Variants in FHOD3 observed in about 807,000 individuals in gnomAD.
The protein encoded by FHOD3 is formin homology 2 domain containing 3, also known as FH1/FH2 domain-containing protein 3.
Under a neutral mutation model 173.0 loss-of-function variants are expected in FHOD3, and 90 were observed. That is an observed-to-expected ratio of 0.52 (90% confidence interval 0.44 to 0.62). The LOEUF is 0.62. Ranked by LOEUF, FHOD3 falls within the 20% of genes least tolerant of loss-of-function variation. The pLI is 0.00. For synonymous variants in FHOD3, 828 were observed against 823.0 expected (o/e 1.01, Z -0.10); for missense variants, 1,945 against 2,034.7 (o/e 0.96, Z 0.85).
chr18:36,625,161 G>C (rs879781916), intron 9 of FHOD3, among the ~76,000 whole-genome samples: 1 of 152,156 alleles, frequency 6.6e-6, no homozygotes, highest in Admixed American at 6.5e-5. Context: ...AAAGAGACAC[G>C]GGTGGGCAAG....
At chr18:36,454,214 GCACA>G (rs137890720) in intron 3 of FHOD3, among the ~76,000 whole-genome samples, 2 of 150,542 alleles carry the variant, frequency 1.3e-5, no homozygotes, top group African/African-American at 2.4e-5. Flanking sequence ...TGGAGAGCTG[GCACA>G]CACACACACA....
intron 14 of FHOD3, among the ~76,000 whole-genome samples, chr18:36,671,269 T>G (rs1256067521): frequency 1.3e-5 from 2 of 152,254 alleles, no homozygotes; most frequent in Admixed American, 1.3e-4. Flanking sequence ...AGGCTCTGCC[T>G]GGGTTTTCCC....
intron 1 of FHOD3, among the ~76,000 whole-genome samples, chr18:36,345,093 A>G (rs963803695): frequency 7.2e-5 from 11 of 152,248 alleles, no homozygotes; most frequent in African/African-American, 2.4e-4. Context: ...GTGAGGATAG[A>G]GATTTAAGCA....
At chr18:36,619,025 C>T (rs571455047) in intron 9 of FHOD3, among the ~76,000 whole-genome samples, 2 of 152,314 alleles carry the variant, frequency 1.3e-5, no homozygotes, top group Admixed American at 1.3e-4. Context: ...GGGGGCTCAT[C>T]GCTATCTTGA....
At chr18:36,551,959 A>G (rs546689167) in intron 5 of FHOD3, among the ~76,000 whole-genome samples, 95 of 152,318 alleles carry the variant, frequency 6.2e-4, no homozygotes, top group African/African-American at 2.1e-3. Context: ...CTTTTTGCTT[A>G]GGATTGACTT....
intron 5 of FHOD3, among the ~76,000 whole-genome samples, chr18:36,520,193 A>G (rs1021027546): frequency 2.0e-5 from 3 of 152,154 alleles, no homozygotes; most frequent in African/African-American, 7.2e-5. Flanking sequence ...TCCTGGTCTC[A>G]AGAGGTTCTC....
intron 1 of FHOD3, among the ~76,000 whole-genome samples, chr18:36,338,724 C>T (rs1418838601): frequency 3.9e-5 from 6 of 152,162 alleles, no homozygotes; most frequent in African/African-American, 7.2e-5. Context: ...CCTAGAAGTC[C>T]GCAGTCACAG....
chr18:36,766,842 T>G (rs780761472), intron 27 of FHOD3, among the ~76,000 whole-genome samples: 1 of 152,242 alleles, frequency 6.6e-6, no homozygotes, highest in Non-Finnish European at 1.5e-5. Context: ...CCCAGTGCTC[T>G]GCAAATGTAT....
At chr18:36,454,428 CAA>C (rs1292815859) in intron 3 of FHOD3, among the ~76,000 whole-genome samples, 1 of 152,160 alleles carries the variant, frequency 6.6e-6, no homozygotes, top group African/African-American at 2.4e-5. Context: ...CTTACCCTCT[CAA>C]TATAGTTACA....
chr18:36,343,349 A>G (rs1167871799), intron 1 of FHOD3, among the ~76,000 whole-genome samples: 3 of 152,250 alleles, frequency 2.0e-5, no homozygotes, highest in Non-Finnish European at 4.4e-5. Context: ...ATACCAATAA[A>G]TGCTACAGCA....
intron 1 of FHOD3, among the ~76,000 whole-genome samples, chr18:36,321,798 G>A (rs950269365): frequency 1.3e-5 from 2 of 152,188 alleles, no homozygotes; most frequent in Admixed American, 1.3e-4. Flanking sequence ...TGCAGGGGGG[G>A]CACTTCCCAT....
Position 36,594,775 on chromosome 18 carries a change from C to A in FHOD3, c.607-12C>A. ...GTTGGCAGTGATGTGATGGTTTTAT[C>A]TCTTCTGCCAGTTCCGCCTGGTGGT... On this transcript the variant is annotated splice_polypyrimidine_tract_variant and intron_variant, in intron 6 of 28. Transcript: ENST00000590592. 6.2e-7 allele frequency: 1 copy of A among 1,603,964 alleles called. No individual in the cohort carries two copies. The highest frequency in any genetic ancestry group is 8.5e-7 in the Non-Finnish European group (1 of 1,172,110).
intron 24 of FHOD3, among the ~76,000 whole-genome samples, chr18:36,749,643 G>A (rs2042315377): frequency 1.3e-5 from 2 of 152,208 alleles, no homozygotes; most frequent in South Asian, 4.1e-4. Flanking sequence ...GAACATTCGT[G>A]TGCATGTGTC....
chr18:36,599,529 G>T (rs2031037984), intron 7 of FHOD3, among the ~76,000 whole-genome samples: 1 of 152,166 alleles, frequency 6.6e-6, no homozygotes, highest in Non-Finnish European at 1.5e-5. Context: ...CATCCACATT[G>T]AGTGTGTTTA....
chr18:36,775,849 C>G (rs1361272913), intron 28 of FHOD3, among the ~76,000 whole-genome samples: 3 of 152,212 alleles, frequency 2.0e-5, no homozygotes, highest in Non-Finnish European at 4.4e-5. Context: ...CTGGTGCCTT[C>G]AGAGTGACCC....
At chr18:36,714,516 G>A (rs1043276471) in intron 18 of FHOD3, among the ~76,000 whole-genome samples, 11 of 152,264 alleles carry the variant, frequency 7.2e-5, no homozygotes, top group African/African-American at 2.4e-5. Context: ...CAGTCTGGGC[G>A]ACACAGTGAG....
intron 3 of FHOD3, among the ~76,000 whole-genome samples, chr18:36,405,141 C>T (rs988736617): frequency 2.0e-5 from 3 of 152,120 alleles, no homozygotes; most frequent in South Asian, 2.1e-4. Flanking sequence ...CATCAGCCCC[C>T]GTGAGGTAGA....
At chr18:36,354,540 G>T (rs993983023) in intron 1 of FHOD3, among the ~76,000 whole-genome samples, 3 of 152,158 alleles carry the variant, frequency 2.0e-5, no homozygotes, top group Admixed American at 2.0e-4. Context: ...GGTGGCTCAC[G>T]CCTGTAATTC....
chr18:36,705,583 C>T (rs9962143), intron 17 of FHOD3, among the ~76,000 whole-genome samples: 48,073 of 152,024 alleles, frequency 0.32, 7,846 homozygotes, highest in South Asian at 0.48. Context: ...TTTTGCCACA[C>T]GGATATCACG....
Sources: allele counts gnomAD v4.1 joint callset (sites outside exome capture counted in the v4.1 genomes callset), GRCh38; gene constraint gnomAD v4.1.1; transcripts MANE v1.5; gene names NCBI Gene and HGNC (gene_info 2026-07-23, HGNC 2026-07-21).